Variants in AFDN observed in about 807,000 individuals in gnomAD.
AFDN encodes the protein afadin.
AFDN carries 68 observed loss-of-function variants against 216.6 expected under a neutral mutation model. The ratio of observed to expected loss-of-function variants is 0.31; its 90% CI spans 0.26 to 0.38. AFDN has a LOEUF of 0.38. Ranked by LOEUF, AFDN falls within the 10% of genes least tolerant of loss-of-function variation. The pLI, the probability that AFDN is intolerant of heterozygous loss-of-function variation, is 1.00. For missense variants in AFDN, 2,136 were observed against 2,342.0 expected (o/e 0.91, Z 1.82); for synonymous variants, 868 against 853.7 (o/e 1.02, Z -0.29).
intron 4 of AFDN, among the ~76,000 whole-genome samples, chr6:167,873,335 A>AT (rs1374052965): frequency 2.6e-5 from 4 of 152,166 alleles, no homozygotes; most frequent in Non-Finnish European, 5.9e-5. Flanking sequence ...CTTCAACTGG[A>AT]TTTTCACTTG....
Position 167,948,487 on chromosome 6 carries a change from TC to T in AFDN, c.3831+10del. The T allele has an allele frequency of 6.2e-7, 1 of 1,611,440 alleles. No homozygotes were observed. Reference sequence around the variant, plus strand: ...CCAGTATTGCAATTCAGGTTAGAAATCAAAGATTCCACACACTTTTCTCACC... The same window carrying T: ...CCAGTATTGCAATTCAGGTTAGAAATAAAGATTCCACACACTTTTCTCACC... On this transcript the variant is annotated intron_variant, in intron 29 of 33. Transcript: ENST00000683244.
intron 4 of AFDN, among the ~76,000 whole-genome samples, chr6:167,873,917 G>GCAA: frequency 6.6e-6 from 1 of 152,286 alleles, no homozygotes; most frequent in South Asian, 2.1e-4. Flanking sequence ...TGGAATTTGA[G>GCAA]CCTATTTTGT....
rs143087197 is a variant in AFDN, at chr6:167,850,260, C to T, written c.106-14291C>T. Among the ~76,000 whole-genome samples, 412 of 152,264 alleles carry T rather than the reference C, an allele frequency of 2.7e-3. 4 individuals carry two copies. The highest frequency in any genetic ancestry group is 9.1e-3 in the African/African-American group (378 of 41,544). On this transcript the variant is annotated intron_variant, in intron 1 of 33. Transcript: ENST00000683244. ...TTCACCTCTGTCCCAACCCCCCTCTCGCTCATGGATGTGTTTTGTGTGAAA... is the reference window on the plus strand; with the variant it reads ...TTCACCTCTGTCCCAACCCCCCTCTTGCTCATGGATGTGTTTTGTGTGAAA...
intron 6 of AFDN, among the ~76,000 whole-genome samples, chr6:167,882,303 C>T (rs1427809354): frequency 6.6e-6 from 1 of 151,764 alleles, no homozygotes; most frequent in African/African-American, 2.4e-5. Context: ...ACAGATCAAA[C>T]AGAAAAAGAA....
At chr6:167,848,178 G>A (rs749168370) in intron 1 of AFDN, among the ~76,000 whole-genome samples, 50 of 152,122 alleles carry the variant, frequency 3.3e-4, no homozygotes, top group Admixed American at 1.3e-3. Flanking sequence ...GAGTTTATTC[G>A]TAACTATCAT....
At chr6:167,897,033 A>G (rs538711428) in intron 10 of AFDN, 61 bp downstream of exon 10, 14 of 852,934 alleles carry the variant, frequency 1.6e-5, no homozygotes, top group Non-Finnish European at 2.3e-5. Context: ...CGTATTGTAC[A>G]GAGCCTGCCA....
At chr6:167,964,052 G>C (rs1435593068) in intron 31 of AFDN, 2 of 1,064,336 alleles carry the variant, frequency 1.9e-6, no homozygotes, top group Admixed American at 1.1e-4. Flanking sequence ...CATGCAGAGA[G>C]GACCAGGCCA....
Position 167,962,342 on chromosome 6 carries a change from G to T in AFDN, c.4834-91G>T. On this transcript the variant is annotated intron_variant, in intron 30 of 33. Transcript: ENST00000683244. The surrounding 1 kb of genome is among the most constrained non-coding windows in gnomAD (Gnocchi z 5.2). ...TAACTTTCTGTGTGTGTGTGTTTGT[G>T]TATATGTGTGTCTACTTGTCTTAAT... 1.3e-6 allele frequency: 2 copies of T among 1,544,764 alleles called. No homozygotes were observed. The highest frequency in any genetic ancestry group is 1.8e-6 in the Non-Finnish European group (2 of 1,132,618).
chr6:167,934,335 T>G (rs1298868518), intron 23 of AFDN, among the ~76,000 whole-genome samples: 2 of 152,200 alleles, frequency 1.3e-5, no homozygotes, highest in Non-Finnish European at 2.9e-5. Context: ...TGGGGGTAAC[T>G]TACCATGGAC....
In AFDN at chr6:167,971,499, A is replaced by G. The variant is rs536067149; in HGVS notation, c.*1564A>G. 64 of 195,322 alleles carry G rather than the reference A, an allele frequency of 3.3e-4. No individual in the cohort carries two copies. The highest frequency in any genetic ancestry group is 1.3e-3 in the African/African-American group (57 of 43,270). 12.1% of individuals were successfully genotyped at this position (195,322 alleles called of 1,614,324 possible). ...TACCATTTCCTTGTTTGAGTAAGAGAGTGAATGGTTCTGAGTGTTTAGGAA... is the reference window on the plus strand; with the variant it reads ...TACCATTTCCTTGTTTGAGTAAGAGGGTGAATGGTTCTGAGTGTTTAGGAA... On this transcript the variant is annotated 3_prime_UTR_variant, in exon 34 of 34. Coordinates refer to ENST00000683244, the MANE Select transcript of AFDN (RefSeq NM_001386888.1).
intron 23 of AFDN, among the ~76,000 whole-genome samples, chr6:167,927,499 A>G (rs1011314060): frequency 6.6e-6 from 1 of 152,236 alleles, no homozygotes; most frequent in Non-Finnish European, 1.5e-5. Context: ...AAAGAGGAAC[A>G]TGATGAAACT....
chr6:167,952,459 T>C, intron 30 of AFDN: 1 of 985,382 alleles, frequency 1.0e-6, no homozygotes, highest in Non-Finnish European at 1.2e-6. Context: ...ATAATTATCC[T>C]TTTCCTTAAC....
intron 6 of AFDN, among the ~76,000 whole-genome samples, chr6:167,884,728 T>A (rs1219056015): frequency 6.6e-6 from 1 of 152,208 alleles, no homozygotes; most frequent in Non-Finnish European, 1.5e-5. Context: ...ATTTGTATAA[T>A]TCTTAAAAGC....
At position 167,859,307 on chromosome 6, in the gene AFDN, T is replaced by G. The variant is rs574662118; in HGVS notation, c.106-5244T>G. Among the ~76,000 whole-genome samples the G allele has an allele frequency of 3.3e-5, 5 of 152,334 alleles. No homozygotes were observed. The South Asian group carries it at 1.0e-3, about 32-fold the overall frequency. On this transcript the variant is annotated intron_variant, in intron 1 of 33. Transcript: ENST00000683244. ...GGTCAAATGGCTATTGCCGCCAGGT[T>G]GTTTTGTGTACTAGCAACTGGTGTG... is the stretch of plus-strand genomic sequence containing the variant.
chr6:167,959,649 A>G (rs920895306), intron 30 of AFDN, among the ~76,000 whole-genome samples: 3 of 152,152 alleles, frequency 2.0e-5, no homozygotes, highest in African/African-American at 7.2e-5. Context: ...TTATGTTCAG[A>G]TACCAGTTTC....
intron 7 of AFDN, 89 bp downstream of exon 7, chr6:167,889,415 C>T (rs1346267736): frequency 5.6e-6 from 5 of 900,574 alleles, no homozygotes; most frequent in East Asian, 2.5e-5. Context: ...GAGATGTGTA[C>T]GTTAATGTTT....
intron 1 of AFDN, among the ~76,000 whole-genome samples, chr6:167,861,507 T>G (rs971393235): frequency 1.3e-5 from 2 of 152,172 alleles, no homozygotes; most frequent in Admixed American, 1.3e-4. Context: ...CTCTTAACAT[T>G]TTATGTAAGG....
chr6:167,885,116 A>T (rs1786629730), intron 6 of AFDN, among the ~76,000 whole-genome samples: 1 of 152,172 alleles, frequency 6.6e-6, no homozygotes, highest in African/African-American at 2.4e-5. Context: ...GCCTTCATAG[A>T]ATTGAAGAGA....
Position 167,902,389 on chromosome 6 carries a change from A to G in AFDN, c.1650+3A>G, listed in dbSNP as rs1227770517. 1.9e-6 allele frequency: 3 copies of G among 1,606,744 alleles called. No homozygotes were observed. The highest frequency in any genetic ancestry group is 2.6e-6 in the Non-Finnish European group (3 of 1,173,868). ...GGACAGCATTACCGACAAGCAAGGT[A>G]GGTAATTATGGATTACCTGATAGAA... On this transcript the variant is annotated splice_donor_region_variant and intron_variant, in intron 12 of 33. Transcript: ENST00000683244.
Sources: allele counts gnomAD v4.1 joint callset (sites outside exome capture counted in the v4.1 genomes callset), GRCh38; gene constraint gnomAD v4.1.1; non-coding constraint Gnocchi (gnomAD v3.1); transcripts MANE v1.5; gene names NCBI Gene and HGNC (gene_info 2026-07-23, HGNC 2026-07-21).